The following ZNF28 variants were observed in gnomAD, a reference collection of about 807,000 sequenced individuals.
ZNF28 encodes the protein zinc finger protein KOX24.
In ZNF28, 5 loss-of-function variants were observed where a neutral mutation model predicts 7.2. The observed-to-expected ratio is 0.70, with a 90% CI of 0.36 to 1.46. The LOEUF is 1.46. Ranked by LOEUF, ZNF28 falls within the 40% of genes most tolerant of loss-of-function variation. The pLI is 0.03. For synonymous variants in ZNF28, 288 were observed against 292.4 expected (o/e 0.99, Z 0.15); for missense variants, 879 against 866.6 (o/e 1.01, Z -0.18).
chr19:52,798,522 G>A lies in ZNF28; in HGVS notation c.*1166C>T. 2.0e-6 allele frequency: 1 copy of A among 511,366 alleles called. No individual in the cohort carries two copies. Among genetic ancestry groups the A allele is most frequent in the South Asian group, 1.5e-5 (1 of 68,512 alleles). 31.7% of individuals were successfully genotyped at this position (511,366 alleles called of 1,614,324 possible). On this transcript the variant is annotated 3_prime_UTR_variant, in exon 4 of 4. Coordinates refer to ENST00000457749, the MANE Select transcript of ZNF28 (RefSeq NM_006969.5). ...CTTACCACACTGATGACATTTGTAA[G>A]ATTTCTGTCCAGCATGGATTCTCTG...
chr19:52,800,623 C>G lies in ZNF28; in HGVS notation c.1222G>C (p.Glu408Gln). ...CAAACCTTACATTTGTATGGTTTCT[C>G]TCCAGTATGAATCCTCTTATGTCTT... ...LERHKRIHTG[E>Q]KPYKCKVCDK... Residue 408 changes from glutamate (E) to glutamine (Q), a missense_variant, in exon 4 of 4, where the codon GAG becomes CAG. Physicochemically the swap from Glu to Gln is conservative, Grantham distance 29 (BLOSUM62 2). Transcript: ENST00000457749. The G allele has an allele frequency of 6.2e-7, 1 of 1,613,266 alleles. No individual in the cohort carries two copies.
chr19:52,813,555 G>A lies in ZNF28; in HGVS notation c.15+4389C>T, dbSNP rs543318418. Among the ~76,000 whole-genome samples the A allele has an allele frequency of 9.3e-4, 135 of 145,250 alleles. 16 individuals carry two copies. The highest frequency in any genetic ancestry group is 3.5e-3 in the African/African-American group (131 of 37,180). Reference sequence around the variant, plus strand: ...CTGTTCGGCTTGTCACCTTCCCTCCGTCTTCTCCTCACCTTTCACAGTCCC... The same window carrying A: ...CTGTTCGGCTTGTCACCTTCCCTCCATCTTCTCCTCACCTTTCACAGTCCC... On this transcript the variant is annotated intron_variant, in intron 2 of 3. Coordinates refer to ENST00000457749, the MANE Select transcript of ZNF28 (RefSeq NM_006969.5).
At position 52,810,852 on chromosome 19, in the gene ZNF28, T is replaced by A. The variant is rs1429803702; in HGVS notation, c.16-2719A>T. 49 of 110,854 alleles carry A rather than the reference T, an allele frequency of 4.4e-4. 1 individual carries two copies. The highest frequency in any genetic ancestry group is 3.2e-4 in the Non-Finnish European group (23 of 71,842). 6.9% of individuals were successfully genotyped at this position (110,854 alleles called of 1,614,324 possible). A position where few individuals can be genotyped will look rare whatever the true frequency, so the allele number is the denominator to read the frequency against. ...TTTAAAAAAAGAGTCCCTCTCCCTC[T>A]CCCTCTCCCCCTCCCCCTCCCCCTC... On this transcript the variant is annotated intron_variant, in intron 2 of 3. Transcript: ENST00000457749.
At position 52,810,111 on chromosome 19, in the gene ZNF28, G is replaced by C. The variant is rs559250401; in HGVS notation, c.16-1978C>G. The C allele has an allele frequency of 1.6e-4, 132 of 810,748 alleles. 2 individuals carry two copies. The South Asian group carries it at 1.7e-3, about 10-fold the overall frequency. The allele number at this position is 810,748 out of a possible 1,614,324, so 50.2% of individuals were successfully genotyped here. A position where few individuals can be genotyped will look rare whatever the true frequency, so the allele number is the denominator to read the frequency against. Reference sequence around the variant, plus strand: ...AGGAGCCACCGGCAGCCAAGAGGAGGGGGAGGAGCCGGGACTGGTCGAGGG... The same window carrying C: ...AGGAGCCACCGGCAGCCAAGAGGAGCGGGAGGAGCCGGGACTGGTCGAGGG... On this transcript the variant is annotated intron_variant, in intron 2 of 3. Coordinates refer to ENST00000457749, the MANE Select transcript of ZNF28 (RefSeq NM_006969.5).
chr19:52,809,333 C>G (rs2062981802), intron 2 of ZNF28, among the ~76,000 whole-genome samples: 1 of 152,164 alleles, frequency 6.6e-6, no homozygotes. Context: ...TGTCATTCAG[C>G]CAATTTCCAA....
chr19:52,813,147 C>T (rs1210444565), intron 2 of ZNF28, among the ~76,000 whole-genome samples: 21 of 147,790 alleles, frequency 1.4e-4, no homozygotes, highest in Non-Finnish European at 2.2e-4. Flanking sequence ...TTTAAAATGA[C>T]GCTACTCATA....
At chr19:52,813,179 G>T (rs192673494) in intron 2 of ZNF28, among the ~76,000 whole-genome samples, 312 of 146,094 alleles carry the variant, frequency 2.1e-3, no homozygotes, top group African/African-American at 7.4e-3. Context: ...TCTGCTCAGT[G>T]GAGCAATTTA....
intron 2 of ZNF28, among the ~76,000 whole-genome samples, chr19:52,811,610 T>C (rs2063041223): frequency 6.8e-6 from 1 of 147,394 alleles, no homozygotes; most frequent in African/African-American, 2.6e-5. Context: ...GAGGAGCGTC[T>C]CTGCCCGGCC....
At chr19:52,808,627 C>T (rs1044084895) in intron 2 of ZNF28, among the ~76,000 whole-genome samples, 7 of 148,100 alleles carry the variant, frequency 4.7e-5, no homozygotes, top group African/African-American at 1.8e-4. Flanking sequence ...GAAACTCCAT[C>T]TCAAAAAAAA....
At chr19:52,807,943 C>G in intron 3 of ZNF28, 64 bp downstream of exon 3, 1 of 1,608,110 alleles carries the variant, frequency 6.2e-7, no homozygotes, top group African/African-American at 1.3e-5. Flanking sequence ...GATGTGGCTC[C>G]CAAGAGGCAA....
Position 52,808,000 on chromosome 19 carries a change from T to C in ZNF28, c.142+7A>G. The C allele has an allele frequency of 6.2e-7, 1 of 1,613,068 alleles. No homozygotes were observed. Among genetic ancestry groups the C allele is most frequent in the Non-Finnish European group, 8.5e-7 (1 of 1,179,288 alleles). ...ACAAGGGCACATCCCCAGGAGGTTA[T>C]CCTCACCCAGGGAGACCAGGTTCCT... On this transcript the variant is annotated splice_region_variant and intron_variant, in intron 3 of 3. Transcript: ENST00000457749.
At chr19:52,810,190 C>T in intron 2 of ZNF28, 1 of 1,025,462 alleles carries the variant, frequency 9.8e-7, no homozygotes. Flanking sequence ...GAGGAAGAAG[C>T]TGAGAAGCTA....
intron 2 of ZNF28, among the ~76,000 whole-genome samples, chr19:52,809,145 G>A (rs138449370): frequency 2.0e-5 from 3 of 152,286 alleles, no homozygotes; most frequent in South Asian, 2.1e-4. Context: ...GCAGTTGCGG[G>A]CAGGGGGAAT....
Position 52,801,120 on chromosome 19 carries a change from T to C in ZNF28, c.725A>G (p.Gln242Arg), listed in dbSNP as rs545350008. ...CTTGCCATATACATCACATTTACAT[T>C]GTTTCTCTTCTAAGTGGGTTATCTG... is the stretch of plus-strand genomic sequence containing the variant. ...KHQITHLEEK[Q>R]CKCDVYGKVF... Residue 242 changes from glutamine to arginine, a missense_variant, in exon 4 of 4, where the codon CAA (glutamine) becomes CGA (arginine). This residue lies in a region of ZNF28 where 864 missense variants were observed against 830.2 expected (regional missense o/e 1.04). Transcript: ENST00000457749. 1 of 1,614,144 alleles carries C rather than the reference T, an allele frequency of 6.2e-7. No homozygotes were observed. Among genetic ancestry groups the C allele is most frequent in the Non-Finnish European group, 8.5e-7 (1 of 1,180,006 alleles).
At chr19:52,803,312 C>T (rs2062897323) in intron 3 of ZNF28, among the ~76,000 whole-genome samples, 1 of 151,844 alleles carries the variant, frequency 6.6e-6, no homozygotes, top group Non-Finnish European at 1.5e-5. Context: ...AACTCCTGAC[C>T]TCAGATGATC....
chr19:52,809,917 C>A lies in ZNF28; in HGVS notation c.16-1784G>T, dbSNP rs1050294159. ...GGGCGGCGCCATCTTGTGCCCGGGG[C>A]CGGTGGGGAGGCCGGGGAGGTTGCC... On this transcript the variant is annotated intron_variant, in intron 2 of 3. Coordinates refer to ENST00000457749, the MANE Select transcript of ZNF28 (RefSeq NM_006969.5). 137 of 846,362 alleles carry A rather than the reference C, an allele frequency of 1.6e-4. 1 individual carries two copies. In the Middle Eastern group the frequency reaches 3.0e-3, roughly 19 times the overall value. 52.4% of individuals were successfully genotyped at this position (846,362 alleles called of 1,614,324 possible). A position where few individuals can be genotyped will look rare whatever the true frequency, so the allele number is the denominator to read the frequency against.
Position 52,798,679 on chromosome 19 carries a change from A to C in ZNF28, c.*1009T>G. On this transcript the variant is annotated 3_prime_UTR_variant, in exon 4 of 4. Coordinates refer to ENST00000457749, the MANE Select transcript of ZNF28 (RefSeq NM_006969.5). ...GACTGAAGACCTTGCCACAATCATG[A>C]CATTTATAAGGTTTCTCTCCAGCAT... 1 of 440,340 alleles carries C rather than the reference A, an allele frequency of 2.3e-6. No homozygotes were observed. The highest frequency in any genetic ancestry group is 4.6e-6 in the Non-Finnish European group (1 of 219,480). 27.3% of individuals were successfully genotyped at this position (440,340 alleles called of 1,614,324 possible).
At chr19:52,810,114 G>A (rs1335812936) in intron 2 of ZNF28, 2 of 812,602 alleles carry the variant, frequency 2.5e-6, no homozygotes, top group Non-Finnish European at 2.2e-6. Context: ...AGAGGAGGGG[G>A]AGGAGCCGGG....
rs776486149 is a variant in ZNF28, at chr19:52,800,163, C to T, written c.1682G>A (p.Ser561Asn). The T allele has an allele frequency of 6.2e-7, 1 of 1,613,726 alleles. No homozygotes were observed. Among genetic ancestry groups the T allele is most frequent in the Non-Finnish European group, 8.5e-7 (1 of 1,179,864 alleles). The change falls in exon 4 of 4, where the codon AGT (serine) becomes AAT (asparagine). Residue 561 changes from serine to asparagine, a missense_variant. Physicochemically the swap from Ser to Asn is conservative, Grantham distance 46. This residue lies in a region of ZNF28 where 864 missense variants were observed against 830.2 expected (regional missense o/e 1.04). Transcript: ENST00000457749. ...ATGTCTTTCCATGTGTGATTTGCGACTGAAAACTTTCTCACATTCTTCACA... is the reference window on the plus strand; with the variant it reads ...ATGTCTTTCCATGTGTGATTTGCGATTGAAAACTTTCTCACATTCTTCACA... ...YKCEECEKVF[S>N]RKSHMERHRR...
Sources: gnomAD v4.1 joint callset for allele counts (sites outside exome capture counted in the v4.1 genomes callset) on GRCh38, gnomAD v4.1.1 for gene constraint, gnomAD v4.1.1 regional missense constraint, MANE v1.5 for transcripts, NCBI Gene and HGNC (gene_info 2026-07-23, HGNC 2026-07-21) for gene names.